ATP9A: variants seen among roughly 807,000 people sequenced by gnomAD.
ATP9A encodes ATPase phospholipid transporting 9A.
ATP9A carries 52 observed loss-of-function variants against 144.1 expected under a neutral mutation model. That is an observed-to-expected ratio of 0.36 (90% confidence interval 0.29 to 0.45). The LOEUF (loss-of-function observed/expected upper bound fraction) is 0.45, where lower values mean the gene tolerates loss of function less well. ATP9A is among the 20% of genes least tolerant of loss of function. The pLI is 1.00. For missense variants in ATP9A, 947 were observed against 1,392.7 expected (o/e 0.68, Z 5.09); for synonymous variants, 582 against 557.4 (o/e 1.04, Z -0.62).
intron 22 of ATP9A, among the ~76,000 whole-genome samples, chr20:51,616,715 C>T (rs938254631): frequency 1.3e-5 from 2 of 152,134 alleles, no homozygotes; most frequent in Non-Finnish European, 2.9e-5. Flanking sequence ...AAGAGGCAAG[C>T]GCACAATTGG....
intron 1 of ATP9A, among the ~76,000 whole-genome samples, chr20:51,767,509 G>C (rs1383014421): frequency 5.3e-5 from 8 of 151,970 alleles, no homozygotes; most frequent in Admixed American, 5.2e-4. Flanking sequence ...AAGACGGCGA[G>C]GCGCAAAATA....
intron 1 of ATP9A, among the ~76,000 whole-genome samples, chr20:51,738,482 T>A (rs1166443556): frequency 1.3e-5 from 2 of 151,316 alleles, no homozygotes; most frequent in African/African-American, 4.8e-5. Context: ...GGCGAGCAGA[T>A]CACCTGAGGT....
At chr20:51,696,012 G>T (rs2077569187) in intron 6 of ATP9A, 81 bp downstream of exon 6, 4 of 1,294,804 alleles carry the variant, frequency 3.1e-6, no homozygotes, top group Non-Finnish European at 4.5e-6. Context: ...AATCTACTTT[G>T]TGACATTTTC....
chr20:51,744,381 G>C (rs1601141290), intron 1 of ATP9A, among the ~76,000 whole-genome samples: 1 of 152,126 alleles, frequency 6.6e-6, no homozygotes, highest in African/African-American at 2.4e-5. Context: ...GGCCAGGCTA[G>C]TTTCAAACGC....
intron 17 of ATP9A, among the ~76,000 whole-genome samples, chr20:51,626,457 T>A (rs1169141020): frequency 6.7e-6 from 1 of 149,886 alleles, no homozygotes; most frequent in African/African-American, 2.5e-5. Context: ...CCATTGGCAC[T>A]ACAGTCTGGG....
At chr20:51,767,213 G>T (rs1232926052) in intron 1 of ATP9A, among the ~76,000 whole-genome samples, 1 of 151,658 alleles carries the variant, frequency 6.6e-6, no homozygotes, top group Non-Finnish European at 1.5e-5. Context: ...AGGACCAGAC[G>T]CCCGAGGAAG....
rs1601046474 is a variant in ATP9A, at chr20:51,599,811, T to C, written c.*1400A>G. ...TGAAGGATATGTATTCATCAAGAAG[T>C]AAACGCAAATCCAAGATCTCAACCA... On this transcript the variant is annotated 3_prime_UTR_variant, in exon 28 of 28. Transcript: ENST00000338821. The C allele has an allele frequency of 6.6e-6, 1 of 152,176 alleles. No homozygotes were observed. Among genetic ancestry groups the C allele is most frequent in the Non-Finnish European group, 1.5e-5 (1 of 68,030 alleles). The allele number at this position is 152,176 out of a possible 1,614,324, so 9.4% of individuals were successfully genotyped here. A position where few individuals can be genotyped will look rare whatever the true frequency, so the allele number is the denominator to read the frequency against.
intron 15 of ATP9A, among the ~76,000 whole-genome samples, chr20:51,637,205 A>C (rs1488919109): frequency 6.6e-6 from 1 of 151,388 alleles, no homozygotes; most frequent in Non-Finnish European, 1.5e-5. Flanking sequence ...CTAAAGCTAC[A>C]CGGTAAATGA....
chr20:51,637,656 C>A (rs977955801), intron 15 of ATP9A, among the ~76,000 whole-genome samples: 1 of 151,268 alleles, frequency 6.6e-6, no homozygotes, highest in Non-Finnish European at 1.5e-5. Flanking sequence ...GCCATGTGCC[C>A]AACAACCTAT....
rs2077121786 is a variant in ATP9A at position 51,596,902 on chromosome 20, G to T, written c.*4309C>A. ...ACAGCATCGAGAATTTAAATCATCT[G>T]GAAGTTCCTGCTAAATTAAAGCATA... On this transcript the variant is annotated 3_prime_UTR_variant, in exon 28 of 28. Coordinates refer to ENST00000338821, the MANE Select transcript of ATP9A (RefSeq NM_006045.3). 1 of 152,098 alleles carries T rather than the reference G, an allele frequency of 6.6e-6. No homozygotes were observed. The allele number at this position is 152,098 out of a possible 1,614,324, so 9.4% of individuals were successfully genotyped here. A position where few individuals can be genotyped will look rare whatever the true frequency, so the allele number is the denominator to read the frequency against.
intron 15 of ATP9A, among the ~76,000 whole-genome samples, chr20:51,632,815 T>C (rs896180140): frequency 9.2e-5 from 14 of 152,194 alleles, no homozygotes; most frequent in Admixed American, 5.9e-4. Context: ...CACAGCACTA[T>C]TTTTAGTAGT....
chr20:51,638,071 TTA>T (rs56043552), intron 15 of ATP9A, among the ~76,000 whole-genome samples: 421 of 34,044 alleles, frequency 0.012, 1 homozygote, highest in South Asian at 0.019. Flanking sequence ...TTTCATCATT[TTA>T]TATATATATA....
chr20:51,633,241 G>A (rs939793265), intron 15 of ATP9A, among the ~76,000 whole-genome samples: 11 of 151,904 alleles, frequency 7.2e-5, no homozygotes, highest in East Asian at 1.9e-4. Context: ...CTGCACATGC[G>A]TTAAAAATCA....
chr20:51,756,546 C>T (rs1388291132), intron 1 of ATP9A, among the ~76,000 whole-genome samples: 2 of 152,222 alleles, frequency 1.3e-5, no homozygotes, highest in Non-Finnish European at 2.9e-5. Flanking sequence ...CTGCCTCAGC[C>T]TCCTAAAGTT....
chr20:51,755,329 G>C (rs1325490352), intron 1 of ATP9A, among the ~76,000 whole-genome samples: 2 of 151,924 alleles, frequency 1.3e-5, no homozygotes, highest in Admixed American at 6.6e-5. Flanking sequence ...CAGCTACCCA[G>C]GAGGCTGAGG....
At chr20:51,702,797 C>T (rs34082219) in intron 4 of ATP9A, among the ~76,000 whole-genome samples, 5 of 152,052 alleles carry the variant, frequency 3.3e-5, no homozygotes, top group Admixed American at 6.6e-5. Context: ...GAACAAGATA[C>T]GGAGAAGTAA....
At chr20:51,639,789 A>C (rs1452736484) in intron 14 of ATP9A, among the ~76,000 whole-genome samples, 1 of 152,152 alleles carries the variant, frequency 6.6e-6, no homozygotes, top group African/African-American at 2.4e-5. Flanking sequence ...ATGGCACAGA[A>C]TTAAGAGTGA....
At chr20:51,704,680 T>C (rs2077607877) in intron 4 of ATP9A, among the ~76,000 whole-genome samples, 1 of 152,174 alleles carries the variant, frequency 6.6e-6, no homozygotes, top group Non-Finnish European at 1.5e-5. Flanking sequence ...CTCGGGAGGC[T>C]GAGGCAGGAG....
rs561684767 is a variant in ATP9A, at chr20:51,648,500, G to A, written c.1506+8438C>T. ...TTGGGAGATAGAACAAATACTCTGTGGTGTACGTACGCAGAAGAATATTGT... is the reference window on the plus strand; with the variant it reads ...TTGGGAGATAGAACAAATACTCTGTAGTGTACGTACGCAGAAGAATATTGT... On this transcript the variant is annotated intron_variant, in intron 14 of 27. Transcript: ENST00000338821. Among the ~76,000 whole-genome samples, 21 of 152,304 alleles carry A rather than the reference G, an allele frequency of 1.4e-4. No individual in the cohort carries two copies. In the South Asian group the frequency reaches 3.1e-3, roughly 23 times the overall value.
Sources: gnomAD v4.1 joint callset for allele counts (sites outside exome capture counted in the v4.1 genomes callset) on GRCh38, gnomAD v4.1.1 for gene constraint, MANE v1.5 for transcripts, NCBI Gene and HGNC (gene_info 2026-07-23, HGNC 2026-07-21) for gene names.